The following SVOPL variants were observed in gnomAD, a reference collection of about 807,000 sequenced individuals.
SVOPL encodes the protein putative transporter SVOPL.
A neutral mutation model predicts 61.0 loss-of-function variants in SVOPL; 60 were observed. That is an observed-to-expected ratio of 0.98 (90% CI 0.80 to 1.22). The LOEUF (loss-of-function observed/expected upper bound fraction) is 1.22. Ranked by LOEUF, SVOPL falls within the 50% of genes most tolerant of loss-of-function variation. SVOPL has a pLI of 0.00. For missense variants in SVOPL, 662 were observed against 643.9 expected (o/e 1.03, Z -0.30); for synonymous variants, 279 against 250.0 (o/e 1.12, Z -1.09).
At chr7:138,698,541 G>A (rs1451376714) in intron 1 of SVOPL, among the ~76,000 whole-genome samples, 3 of 152,162 alleles carry the variant, frequency 2.0e-5, no homozygotes, top group African/African-American at 4.8e-5. Context: ...CCTGGAAACC[G>A]AGGACCAAGA....
intron 9 of SVOPL, among the ~76,000 whole-genome samples, chr7:138,630,692 C>T (rs1441575185): frequency 1.3e-5 from 2 of 151,998 alleles, no homozygotes; most frequent in African/African-American, 2.4e-5. Flanking sequence ...CCTGTAATCC[C>T]AGCACTTTGG....
chr7:138,628,394 A>G (rs1799995617), intron 10 of SVOPL, 31 bp from the exon 11 acceptor site: 13 of 1,607,384 alleles, frequency 8.1e-6, no homozygotes, highest in Non-Finnish European at 1.1e-5. Context: ...TCACTAGCCA[A>G]CGCTGACACC....
chr7:138,610,493 A>T (rs560002415), intron 14 of SVOPL, among the ~76,000 whole-genome samples: 1 of 152,336 alleles, frequency 6.6e-6, no homozygotes, highest in East Asian at 1.9e-4. Flanking sequence ...TAAAGTTTCA[A>T]TTCTACTTTG....
chr7:138,676,186 T>A (rs142724264), intron 3 of SVOPL, among the ~76,000 whole-genome samples: 5 of 152,222 alleles, frequency 3.3e-5, no homozygotes, highest in Admixed American at 6.5e-5. Flanking sequence ...AAAGCGGGAG[T>A]AGTGGTGTGG....
chr7:138,671,280 C>T (rs1423616573), intron 4 of SVOPL, among the ~76,000 whole-genome samples: 1 of 152,202 alleles, frequency 6.6e-6, no homozygotes, highest in Non-Finnish European at 1.5e-5. Flanking sequence ...TGCATACACA[C>T]ATCCTTTTTG....
intron 1 of SVOPL, among the ~76,000 whole-genome samples, chr7:138,689,930 T>C (rs1802904437): frequency 6.6e-6 from 1 of 150,774 alleles, no homozygotes; most frequent in African/African-American, 2.4e-5. Context: ...GATGTCCTCA[T>C]AAAATGGGAG....
chr7:138,678,830 A>C (rs1802637021), intron 2 of SVOPL, 134 bp downstream of exon 2: 1 of 928,320 alleles, frequency 1.1e-6, no homozygotes, highest in African/African-American at 1.7e-5. Flanking sequence ...TCGGCCTCCC[A>C]AAGTGATGGG....
intron 4 of SVOPL, among the ~76,000 whole-genome samples, chr7:138,669,464 C>T (rs549127209): frequency 2.0e-5 from 3 of 152,176 alleles, no homozygotes; most frequent in Non-Finnish European, 4.4e-5. Context: ...CTTAAACCTG[C>T]TCCCTAGGGA....
chr7:138,693,244 G>A (rs573451957), intron 1 of SVOPL, among the ~76,000 whole-genome samples: 3 of 152,186 alleles, frequency 2.0e-5, no homozygotes, highest in East Asian at 1.9e-4. Context: ...GGTGGTTCAC[G>A]CCTGTCATCT....
chr7:138,682,410 T>C (rs1802719026), intron 1 of SVOPL, among the ~76,000 whole-genome samples: 1 of 152,118 alleles, frequency 6.6e-6, no homozygotes. Flanking sequence ...GGAACCTGAA[T>C]CGAATCAGGA....
chr7:138,671,549 T>C (rs1802417403), intron 4 of SVOPL, among the ~76,000 whole-genome samples: 2 of 152,130 alleles, frequency 1.3e-5, no homozygotes, highest in African/African-American at 4.8e-5. Context: ...GGTTTCACCA[T>C]GTTGGTCAGG....
At position 138,627,351 on chromosome 7, in the gene SVOPL, T is replaced by C; in HGVS notation, c.1180A>G (p.Ser394Gly). 1 of 1,609,932 alleles carries C rather than the reference T, an allele frequency of 6.2e-7. No individual in the cohort carries two copies. The highest frequency in any genetic ancestry group is 1.1e-5 in the South Asian group (1 of 90,986). The change falls in exon 12 of 16, where the codon AGT (serine) becomes GGT (glycine). Residue 394 changes from serine (S) to glycine (G), a missense_variant and splice_region_variant. By Grantham distance (56) the Ser-to-Gly change is moderately conservative. Coordinates refer to ENST00000674285, the MANE Select transcript of SVOPL (RefSeq NM_001139456.2). ...CTGAAGCAATTAAACAGAAAATACC[T>C]TGAAGTGCAAATGTTGAGGAGAAGG... ...FFLLLNICTS[S>G]AGLIGFLFML...
chr7:138,626,176 G>A, intron 12 of SVOPL, 126 bp from the exon 13 acceptor site: 2 of 895,914 alleles, frequency 2.2e-6, no homozygotes, highest in Non-Finnish European at 1.7e-6. Context: ...CGAGGGAGGT[G>A]CTGCTTCTCA....
At chr7:138,606,274 G>A (rs1423954392) in intron 14 of SVOPL, among the ~76,000 whole-genome samples, 1 of 152,166 alleles carries the variant, frequency 6.6e-6, no homozygotes, top group Non-Finnish European at 1.5e-5. Flanking sequence ...ATTAAGGAAT[G>A]TGGACACCAG....
At chr7:138,663,192 T>C (rs1458538601) in intron 4 of SVOPL, 47 bp from the exon 5 acceptor site, 10 of 1,593,326 alleles carry the variant, frequency 6.3e-6, no homozygotes, top group East Asian at 2.3e-5. Flanking sequence ...AGGTTTTACA[T>C]GTTACTTTAC....
chr7:138,624,693 CTT>C (rs35627200), intron 13 of SVOPL, among the ~76,000 whole-genome samples: 10 of 138,008 alleles, frequency 7.2e-5, no homozygotes, highest in East Asian at 2.0e-4. Flanking sequence ...TAGAACCAAA[CTT>C]TTTTTTTTTT....
intron 9 of SVOPL, among the ~76,000 whole-genome samples, chr7:138,632,074 T>G (rs1208135041): frequency 1.3e-5 from 2 of 152,126 alleles, no homozygotes; most frequent in African/African-American, 4.8e-5. Flanking sequence ...TTAACCAGAT[T>G]GTAAGACTGT....
chr7:138,699,876 C>T (rs1482042868), intron 1 of SVOPL, among the ~76,000 whole-genome samples: 5 of 152,104 alleles, frequency 3.3e-5, no homozygotes, highest in South Asian at 4.1e-4. Flanking sequence ...TAATCAGGGC[C>T]GGGTGGGTCC....
chr7:138,620,498 C>T (rs2116868983), intron 14 of SVOPL, among the ~76,000 whole-genome samples: 1 of 151,730 alleles, frequency 6.6e-6, no homozygotes, highest in South Asian at 2.1e-4. Flanking sequence ...CTCCATAGCC[C>T]TCTGAGGAAC....
Sources: allele counts gnomAD v4.1 joint callset (sites outside exome capture counted in the v4.1 genomes callset), GRCh38; gene constraint gnomAD v4.1.1; transcripts MANE v1.5; gene names NCBI Gene and HGNC (gene_info 2026-07-23, HGNC 2026-07-21).